Variants in AGR2 observed in about 807,000 individuals in gnomAD.
The protein encoded by AGR2 is anterior gradient protein 2 homolog.
In AGR2, 27 loss-of-function variants were observed where a neutral mutation model predicts 25.9. The ratio of observed to expected loss-of-function variants is 1.04; its 90% CI spans 0.77 to 1.44. The LOEUF is 1.44. Ranked by LOEUF, AGR2 falls within the 40% of genes most tolerant of loss-of-function variation. The pLI is 0.00. For missense variants in AGR2, 182 were observed against 200.9 expected (o/e 0.91, Z 0.57); for synonymous variants, 78 against 72.0 (o/e 1.08, Z -0.42).
chr7:16,801,021 T>C (rs182560135), intron 4 of AGR2, 130 bp downstream of exon 4: 1 of 645,816 alleles, frequency 1.5e-6, no homozygotes, highest in East Asian at 2.8e-5. Flanking sequence ...CTTTTAAATA[T>C]GTTTTTACTA....
chr7:16,801,602 A>G (rs764712814), intron 2 of AGR2, 56 bp downstream of exon 2: 43 of 1,608,318 alleles, frequency 2.7e-5, no homozygotes, highest in Non-Finnish European at 3.3e-5. Context: ...ACCAAGAGAG[A>G]GGAAATCTTT....
chr7:16,797,018 T>A (rs12538159), intron 6 of AGR2, among the ~76,000 whole-genome samples: 20,060 of 151,692 alleles, frequency 0.13, 2,958 homozygotes, highest in African/African-American at 0.37. Context: ...GCCTCTTGGG[T>A]TCAAGCAATT....
intron 7 of AGR2, among the ~76,000 whole-genome samples, chr7:16,794,002 T>C (rs1299308430): frequency 6.6e-6 from 1 of 152,216 alleles, no homozygotes; most frequent in Non-Finnish European, 1.5e-5. Flanking sequence ...TGGTATTATC[T>C]CAGTAATGGC....
intron 1 of AGR2, among the ~76,000 whole-genome samples, chr7:16,802,326 G>A (rs114822694): frequency 7.6e-4 from 115 of 152,162 alleles, no homozygotes; most frequent in African/African-American, 2.6e-3. Context: ...ACTAATGTGC[G>A]GTTTCAGGCA....
intron 6 of AGR2, among the ~76,000 whole-genome samples, chr7:16,795,419 G>A (rs1785029627): frequency 6.6e-6 from 1 of 151,090 alleles, no homozygotes; most frequent in Non-Finnish European, 1.5e-5. Flanking sequence ...TAGATCATTG[G>A]AAACCCACAT....
rs554048643 is a variant in AGR2 at position 16,792,675 on chromosome 7, T to A, written c.*233A>T. The A allele has an allele frequency of 1.7e-4, 80 of 478,872 alleles. No homozygotes were observed. The highest frequency in any genetic ancestry group is 1.1e-3 in the Middle Eastern group (2 of 1,840). The allele number at this position is 478,872 out of a possible 1,614,324, so 29.7% of individuals were successfully genotyped here. On this transcript the variant is annotated 3_prime_UTR_variant, in exon 8 of 8. Transcript: ENST00000419304. ...CAGAACACCCCCAAAACATTTATTTTTTTTTTTAGAAAATCATGGCTCACT... is the reference window on the plus strand; with the variant it reads ...CAGAACACCCCCAAAACATTTATTTATTTTTTTAGAAAATCATGGCTCACT...
chr7:16,804,033 A>G (rs1785194128), intron 1 of AGR2, among the ~76,000 whole-genome samples: 2 of 152,198 alleles, frequency 1.3e-5, no homozygotes, highest in Admixed American at 6.5e-5. Context: ...ATCTCCAAAG[A>G]TCACAGGTTG....
chr7:16,792,240 G>A lies in AGR2; in HGVS notation c.*668C>T, dbSNP rs1217028200. ...TGTTCAGGAGTGCAGATGTTCTTTG[G>A]ATGACCTTTCTACTAAATTAGACCT... On this transcript the variant is annotated 3_prime_UTR_variant, in exon 8 of 8. Transcript: ENST00000419304. The A allele has an allele frequency of 6.6e-6, 1 of 152,258 alleles. No homozygotes were observed. The highest frequency in any genetic ancestry group is 2.4e-5 in the African/African-American group (1 of 41,436). 9.4% of individuals were successfully genotyped at this position (152,258 alleles called of 1,614,324 possible).
At chr7:16,796,674 C>A (rs929326045) in intron 6 of AGR2, among the ~76,000 whole-genome samples, 50 of 152,290 alleles carry the variant, frequency 3.3e-4, no homozygotes, top group African/African-American at 1.2e-3. Context: ...ACAGTCCCTG[C>A]CATAGGGGCT....
chr7:16,803,136 A>T (rs76277393), intron 1 of AGR2: 2 of 152,158 alleles, frequency 1.3e-5, no homozygotes, highest in African/African-American at 2.4e-5. Context: ...CGCCTAGCTG[A>T]TATCTTAGTT....
At chr7:16,793,879 G>A (rs940281567) in intron 7 of AGR2, among the ~76,000 whole-genome samples, 18 of 152,152 alleles carry the variant, frequency 1.2e-4, no homozygotes, top group Admixed American at 3.3e-4. Context: ...TTGAACAGCC[G>A]CTTATTCACT....
chr7:16,801,396 G>T lies in AGR2; in HGVS notation c.140-13C>A. On this transcript the variant is annotated splice_polypyrimidine_tract_variant and intron_variant, in intron 2 of 7. Coordinates refer to ENST00000419304, the MANE Select transcript of AGR2 (RefSeq NM_006408.4). ...TGGTCACCCCAACCTAGAATGAAAT[G>T]AATCAGTATATTTGAAGCTTGTATA... The T allele has an allele frequency of 6.2e-7, 1 of 1,609,752 alleles. No homozygotes were observed. The highest frequency in any genetic ancestry group is 1.1e-5 in the South Asian group (1 of 90,728).
chr7:16,800,096 A>T, intron 4 of AGR2, among the ~76,000 whole-genome samples: 1 of 151,776 alleles, frequency 6.6e-6, no homozygotes. Context: ...GTTCTGTACT[A>T]GGGATGGTGC....
chr7:16,796,889 A>G (rs540099636), intron 6 of AGR2, among the ~76,000 whole-genome samples: 9 of 151,826 alleles, frequency 5.9e-5, no homozygotes, highest in Non-Finnish European at 1.3e-4. Context: ...AGGAAGGAGC[A>G]TGTGGCTCCT....
chr7:16,799,938 C>CCTG, intron 4 of AGR2, 121 bp from the exon 5 acceptor site: 1 of 689,164 alleles, frequency 1.5e-6, no homozygotes, highest in Non-Finnish European at 2.4e-6. Context: ...CAGTATTCTA[C>CCTG]TTTGGCCTTT....
chr7:16,802,774 A>C (rs1034963448), intron 1 of AGR2, among the ~76,000 whole-genome samples: 3 of 152,130 alleles, frequency 2.0e-5, no homozygotes, highest in African/African-American at 7.2e-5. Context: ...ATATAGAAAT[A>C]GATAAATAGA....
At chr7:16,801,573 G>A in intron 2 of AGR2, 85 bp downstream of exon 2, 2 of 1,553,500 alleles carry the variant, frequency 1.3e-6, no homozygotes, top group Non-Finnish European at 1.8e-6. Flanking sequence ...CTGGCACCAG[G>A]TTAGAACCAG....
intron 6 of AGR2, among the ~76,000 whole-genome samples, chr7:16,796,911 T>C (rs1385789618): frequency 6.8e-6 from 1 of 147,810 alleles, no homozygotes; most frequent in African/African-American, 2.4e-5. Context: ...TCATTTCTTT[T>C]TCCCACCTCA....
intron 7 of AGR2, 173 bp downstream of exon 7, chr7:16,794,763 G>A (rs1350402813): frequency 2.0e-6 from 3 of 1,464,726 alleles, no homozygotes; most frequent in South Asian, 2.8e-5. Flanking sequence ...ACAAACCTGA[G>A]ATGGAAAGAG....
Sources: gnomAD v4.1 joint callset for allele counts (sites outside exome capture counted in the v4.1 genomes callset) on GRCh38, gnomAD v4.1.1 for gene constraint, MANE v1.5 for transcripts, NCBI Gene and HGNC (gene_info 2026-07-23, HGNC 2026-07-21) for gene names.